EYS: variants seen among roughly 807,000 people sequenced by gnomAD.
The protein encoded by EYS is protein eyes shut homolog.
EYS carries 250 observed loss-of-function variants against 282.1 expected under a neutral mutation model. The observed-to-expected ratio is 0.89, with a 90% CI of 0.80 to 0.98. EYS has a LOEUF of 0.98. EYS is among the 50% of genes least tolerant of loss of function. The pLI, the probability that EYS is intolerant of heterozygous loss-of-function variation, is 0.00. For missense variants in EYS, 4,016 were observed against 3,709.0 expected (o/e 1.08, Z -2.15); for synonymous variants, 1,355 against 1,282.9 (o/e 1.06, Z -1.20).
chr6:63,783,546 C>G (rs561481556), intron 39 of EYS, among the ~76,000 whole-genome samples: 1 of 152,106 alleles, frequency 6.6e-6, no homozygotes, highest in African/African-American at 2.4e-5. Flanking sequence ...CAGAAGCTTA[C>G]TAAATTCTAA....
At chr6:65,021,720 TAA>T (rs1337951116) in intron 13 of EYS, among the ~76,000 whole-genome samples, 1 of 152,198 alleles carries the variant, frequency 6.6e-6, no homozygotes, top group East Asian at 1.9e-4. Context: ...ATCATGCTAA[TAA>T]AGACATAATT....
intron 22 of EYS, among the ~76,000 whole-genome samples, chr6:64,764,522 C>T (rs1773261539): frequency 6.6e-6 from 1 of 152,206 alleles, no homozygotes; most frequent in Non-Finnish European, 1.5e-5. Context: ...CCTCCTAGGC[C>T]TCCAGGCCTG....
intron 35 of EYS, among the ~76,000 whole-genome samples, chr6:63,936,805 A>G (rs1000545752): frequency 2.6e-5 from 4 of 152,236 alleles, no homozygotes; most frequent in East Asian, 1.9e-4. Context: ...ATTTGAAAAC[A>G]TATCACTGAT....
intron 31 of EYS, among the ~76,000 whole-genome samples, chr6:64,153,554 G>A (rs1240425979): frequency 2.0e-5 from 3 of 152,146 alleles, no homozygotes; most frequent in Non-Finnish European, 4.4e-5. Context: ...AAACGAATAT[G>A]TTTTCAACTT....
intron 26 of EYS, among the ~76,000 whole-genome samples, chr6:64,564,841 T>A (rs945880365): frequency 4.9e-4 from 74 of 152,226 alleles, no homozygotes; most frequent in African/African-American, 1.6e-3. Flanking sequence ...AAATACCTAA[T>A]GTAGATGACA....
intron 22 of EYS, among the ~76,000 whole-genome samples, chr6:64,700,091 A>G (rs960581847): frequency 2.6e-5 from 4 of 152,070 alleles, no homozygotes; most frequent in Non-Finnish European, 4.4e-5. Flanking sequence ...ACACAAATCA[A>G]TAAATGTGAT....
rs78345389 is a variant in EYS at position 65,243,468 on chromosome 6, G to A, written c.2023+52395C>T. On this transcript the variant is annotated intron_variant, in intron 12 of 42. Transcript: ENST00000503581. ...AGCTTCTGAGCTTTTGTGACGCTTTGTTGGGTGGGAATGAGGGAGGAATTA... is the reference window on the plus strand; with the variant it reads ...AGCTTCTGAGCTTTTGTGACGCTTTATTGGGTGGGAATGAGGGAGGAATTA... 5.3e-5 allele frequency among the ~76,000 whole-genome samples: 8 copies of A among 152,282 alleles called. No individual in the cohort carries two copies. In the East Asian group the frequency reaches 1.2e-3, roughly 22 times the overall value.
At chr6:65,141,726 A>G (rs1764349980) in intron 12 of EYS, among the ~76,000 whole-genome samples, 1 of 151,666 alleles carries the variant, frequency 6.6e-6, no homozygotes. Context: ...CTATATGAGT[A>G]AAACAATTTA....
intron 8 of EYS, among the ~76,000 whole-genome samples, chr6:65,376,700 CA>C (rs1339499957): frequency 1.3e-5 from 2 of 151,566 alleles, no homozygotes; most frequent in Admixed American, 1.3e-4. Context: ...AAATGGAAAG[CA>C]AAAAAAGCAG....
chr6:64,413,946 T>C (rs1389618941), intron 28 of EYS, among the ~76,000 whole-genome samples: 2 of 152,138 alleles, frequency 1.3e-5, no homozygotes, highest in Non-Finnish European at 2.9e-5. Context: ...ATTCACCTTC[T>C]CCACCACATA....
chr6:64,825,732 G>C (rs558724455), intron 19 of EYS, among the ~76,000 whole-genome samples: 2 of 151,896 alleles, frequency 1.3e-5, no homozygotes, highest in East Asian at 3.9e-4. Context: ...TTCAAACAAA[G>C]ACATGTTCAT....
intron 12 of EYS, among the ~76,000 whole-genome samples, chr6:65,258,023 A>G (rs1767516758): frequency 6.6e-6 from 1 of 152,096 alleles, no homozygotes; most frequent in Non-Finnish European, 1.5e-5. Flanking sequence ...CAAAGAAATG[A>G]TAAATGTTTT....
intron 2 of EYS, among the ~76,000 whole-genome samples, chr6:65,620,138 C>T (rs1766414458): frequency 6.6e-6 from 1 of 152,148 alleles, no homozygotes; most frequent in African/African-American, 2.4e-5. Context: ...GGTACCAGCT[C>T]CTCCTTGTAC....
At chr6:65,108,990 G>T (rs1235014354) in intron 12 of EYS, among the ~76,000 whole-genome samples, 1 of 151,644 alleles carries the variant, frequency 6.6e-6, no homozygotes, top group Non-Finnish European at 1.5e-5. Flanking sequence ...TCCACCCAGT[G>T]ATTTTTTTTC....
intron 8 of EYS, among the ~76,000 whole-genome samples, chr6:65,381,879 T>G (rs1765625895): frequency 6.6e-6 from 1 of 151,994 alleles, no homozygotes; most frequent in African/African-American, 2.4e-5. Context: ...TTATGATTTC[T>G]GATTTTAAGT....
At chr6:65,212,837 C>A (rs1240260660) in intron 12 of EYS, among the ~76,000 whole-genome samples, 1 of 151,842 alleles carries the variant, frequency 6.6e-6, no homozygotes, top group Non-Finnish European at 1.5e-5. Context: ...GCATTTAAAC[C>A]TATAATTTAG....
chr6:64,873,459 C>T (rs550823709), intron 19 of EYS, among the ~76,000 whole-genome samples: 1 of 151,958 alleles, frequency 6.6e-6, no homozygotes, highest in East Asian at 1.9e-4. Context: ...ATGGGAGACA[C>T]TTTTATGTGA....
chr6:64,196,458 G>A (rs553371907), intron 31 of EYS, among the ~76,000 whole-genome samples: 25 of 152,090 alleles, frequency 1.6e-4, no homozygotes, highest in Admixed American at 7.9e-4. Context: ...TGTTTATTGT[G>A]GCACTATTCA....
intron 2 of EYS, among the ~76,000 whole-genome samples, chr6:65,550,154 T>TGCTAGCTTTATG (rs1562254272): frequency 2.3e-4 from 2 of 8,596 alleles, no homozygotes; most frequent in Admixed American, 2.5e-3. Context: ...TTTTTTTTTT[T>TGCTAGCTTTATG]TTTTTTTTTT....
Sources: gnomAD v4.1 joint callset for allele counts (sites outside exome capture counted in the v4.1 genomes callset) on GRCh38, gnomAD v4.1.1 for gene constraint, MANE v1.5 for transcripts, NCBI Gene and HGNC (gene_info 2026-07-23, HGNC 2026-07-21) for gene names.